ATP8A2: variants seen among roughly 807,000 people sequenced by gnomAD.
The protein encoded by ATP8A2 is ATPase phospholipid transporting 8A2, also known as phospholipid-transporting ATPase IB.
In ATP8A2, 100 loss-of-function variants were observed where a neutral mutation model predicts 165.6. That is an observed-to-expected ratio of 0.60 (90% CI 0.51 to 0.71). ATP8A2 has a LOEUF of 0.71. ATP8A2 is among the 30% of genes least tolerant of loss of function. ATP8A2 has a pLI of 0.00. For missense variants in ATP8A2, 1,227 were observed against 1,479.5 expected, an observed-to-expected ratio of 0.83 and a Z score of 2.80; for synonymous variants, 543 against 548.8, an observed-to-expected ratio of 0.99 and a Z score of 0.15.
At chr13:25,906,574 C>T (rs572577836) in intron 33 of ATP8A2, among the ~76,000 whole-genome samples, 11 of 152,176 alleles carry the variant, frequency 7.2e-5, no homozygotes, top group Non-Finnish European at 1.0e-4. Flanking sequence ...AACGCTCCCC[C>T]GCCTTCTCTC....
chr13:26,006,156 A>G (rs1460830368), intron 35 of ATP8A2, among the ~76,000 whole-genome samples: 1 of 151,866 alleles, frequency 6.6e-6, no homozygotes. Flanking sequence ...AACACAGGGT[A>G]TTTTTCAATT....
At chr13:25,836,166 TTTTGTTTG>T (rs149756647) in intron 28 of ATP8A2, among the ~76,000 whole-genome samples, 59,832 of 150,468 alleles carry the variant, frequency 0.4, 12,085 homozygotes, top group Admixed American at 0.46. Context: ...ATCTCCTGTT[TTTTGTTTG>T]TTTGTTTGTT....
intron 33 of ATP8A2, among the ~76,000 whole-genome samples, chr13:25,944,315 A>G (rs1472123524): frequency 6.6e-6 from 1 of 152,154 alleles, no homozygotes; most frequent in Non-Finnish European, 1.5e-5. Flanking sequence ...GAGACCAGCC[A>G]GGCCAACATG....
intron 2 of ATP8A2, among the ~76,000 whole-genome samples, chr13:25,492,154 TC>T (rs1212837058): frequency 6.6e-6 from 1 of 152,196 alleles, no homozygotes; most frequent in Non-Finnish European, 1.5e-5. Context: ...CCTCCTGGGT[TC>T]AAGCAATTCT....
In ATP8A2 at chr13:25,778,951, G is replaced by T. The variant is rs770523105; in HGVS notation, c.2679+3992G>T. Among the ~76,000 whole-genome samples, 3 of 152,108 alleles carry T rather than the reference G, an allele frequency of 2.0e-5. No homozygotes were observed. In the East Asian group the frequency reaches 5.8e-4, roughly 29 times the overall value. ...AGGATTTTGTCTGTCTCCCATAGAC[G>T]GTGACCAGAATGTCTCAGAGAGCTC... is the stretch of plus-strand genomic sequence containing the variant. On this transcript the variant is annotated intron_variant, in intron 27 of 36. Coordinates refer to ENST00000381655, the MANE Select transcript of ATP8A2 (RefSeq NM_016529.6).
chr13:25,946,020 G>A (rs1402115782), intron 33 of ATP8A2, among the ~76,000 whole-genome samples: 1 of 152,154 alleles, frequency 6.6e-6, no homozygotes, highest in East Asian at 1.9e-4. Context: ...GTGAGAGTGG[G>A]AGCACAGCTG....
chr13:25,857,549 T>G (rs1488091908), intron 30 of ATP8A2, among the ~76,000 whole-genome samples: 1 of 149,008 alleles, frequency 6.7e-6, no homozygotes, highest in Non-Finnish European at 1.5e-5. Flanking sequence ...CTAATATGTT[T>G]CTTTTCTTTT....
intron 1 of ATP8A2, among the ~76,000 whole-genome samples, chr13:25,382,522 A>C (rs1409901779): frequency 6.6e-6 from 1 of 152,202 alleles, no homozygotes; most frequent in Non-Finnish European, 1.5e-5. Flanking sequence ...TGTCTTCCAA[A>C]GTGGCTGTAC....
intron 28 of ATP8A2, among the ~76,000 whole-genome samples, chr13:25,831,493 A>G (rs1369260389): frequency 1.3e-5 from 2 of 152,268 alleles, no homozygotes; most frequent in African/African-American, 4.8e-5. Context: ...GATTACAGGC[A>G]TGAGCCACCA....
intron 33 of ATP8A2, among the ~76,000 whole-genome samples, chr13:25,931,912 G>A (rs1954777862): frequency 6.6e-6 from 1 of 152,056 alleles, no homozygotes; most frequent in Admixed American, 6.6e-5. Context: ...GCTGGGTGTG[G>A]TGGCGGGTGC....
intron 1 of ATP8A2, among the ~76,000 whole-genome samples, chr13:25,460,880 A>C (rs892668032): frequency 6.6e-6 from 1 of 152,268 alleles, no homozygotes; most frequent in East Asian, 1.9e-4. Flanking sequence ...TTTGGCCCCC[A>C]TTGAGACTGG....
At chr13:25,719,872 CT>C (rs1027564769) in intron 25 of ATP8A2, among the ~76,000 whole-genome samples, 8 of 152,140 alleles carry the variant, frequency 5.3e-5, no homozygotes, top group African/African-American at 1.7e-4. Context: ...ATGGTGGCCC[CT>C]GTAGCCCATG....
At chr13:26,013,557 C>T (rs1374799377) in intron 36 of ATP8A2, among the ~76,000 whole-genome samples, 1 of 152,044 alleles carries the variant, frequency 6.6e-6, no homozygotes, top group Non-Finnish European at 1.5e-5. Context: ...GCCTGTAATC[C>T]CAGCTACTTG....
intron 35 of ATP8A2, among the ~76,000 whole-genome samples, chr13:25,990,433 A>G (rs1252683715): frequency 6.6e-6 from 1 of 152,090 alleles, no homozygotes; most frequent in Admixed American, 6.5e-5. Flanking sequence ...CTGGTCTGGG[A>G]AGTCTGGTCT....
intron 25 of ATP8A2, among the ~76,000 whole-genome samples, chr13:25,760,300 CA>C (rs1468370941): frequency 6.6e-6 from 1 of 152,096 alleles, no homozygotes; most frequent in Non-Finnish European, 1.5e-5. Context: ...TAATTAAGAT[CA>C]GTAAAATATA....
At chr13:25,759,373 G>A (rs2044332980) in intron 25 of ATP8A2, among the ~76,000 whole-genome samples, 2 of 152,186 alleles carry the variant, frequency 1.3e-5, no homozygotes, top group African/African-American at 4.8e-5. Context: ...GCCTGGTCCT[G>A]CAGGAGTCAC....
intron 24 of ATP8A2, among the ~76,000 whole-genome samples, chr13:25,639,909 G>C (rs970178074): frequency 1.3e-5 from 2 of 152,168 alleles, no homozygotes; most frequent in Non-Finnish European, 2.9e-5. Flanking sequence ...CTATCTCTCA[G>C]ACCACAGTGC....
chr13:25,656,531 C>T (rs560741242), intron 24 of ATP8A2, among the ~76,000 whole-genome samples: 8 of 151,988 alleles, frequency 5.3e-5, no homozygotes, highest in Admixed American at 6.6e-5. Flanking sequence ...CCTCGGCCTC[C>T]GAAAGTGCTG....
intron 1 of ATP8A2, among the ~76,000 whole-genome samples, chr13:25,435,018 G>A (rs553479200): frequency 6.8e-4 from 103 of 152,156 alleles, no homozygotes; most frequent in Non-Finnish European, 7.4e-4. Context: ...CTATGCATCC[G>A]TTCTGTGCTG....
Sources: gnomAD v4.1 joint callset for allele counts (sites outside exome capture counted in the v4.1 genomes callset) on GRCh38, gnomAD v4.1.1 for gene constraint, MANE v1.5 for transcripts, NCBI Gene and HGNC (gene_info 2026-07-23, HGNC 2026-07-21) for gene names.